Variants in DMD observed in about 807,000 individuals in gnomAD.
DMD encodes the protein mutant dystrophin.
In DMD, 63 loss-of-function variants were observed where a neutral mutation model predicts 330.1. That is an observed-to-expected ratio of 0.19 (90% CI 0.16 to 0.24). The LOEUF (loss-of-function observed/expected upper bound fraction) is 0.24. Among genes scored for constraint, DMD ranks in the 10% least tolerant of loss-of-function variants. The probability of loss-of-function intolerance (pLI) is 1.00; values close to 1 mark genes in which losing one functional copy is unlikely to be tolerated. For missense variants in DMD, 3,344 were observed against 2,684.1 expected (o/e 1.25, Z -5.43); for synonymous variants, 1,223 against 959.8 (o/e 1.27, Z -5.07).
chrX:31,513,902 C>T (rs1032637339), intron 55 of DMD, among the ~76,000 whole-genome samples: 7 of 111,727 alleles, frequency 6.3e-5, no homozygotes, highest in African/African-American at 2.3e-4. Context: ...ACTAAAAATG[C>T]CCAGGTTCAC....
At chrX:33,008,123 G>C (rs2093432847) in intron 2 of DMD, among the ~76,000 whole-genome samples, 1 of 111,574 alleles carries the variant, frequency 9.0e-6, no homozygotes, top group African/African-American at 3.2e-5. Context: ...GTGATCACTT[G>C]TTTATTGATC....
chrX:32,475,643 T>C (rs1206630325), intron 21 of DMD, among the ~76,000 whole-genome samples: 3 of 111,286 alleles, frequency 2.7e-5, no homozygotes, highest in Non-Finnish European at 5.7e-5. Context: ...GCAGCTATTG[T>C]AAAAGGGGTT....
At chrX:32,887,768 A>C (rs1049521706) in intron 2 of DMD, among the ~76,000 whole-genome samples, 1 of 101,921 alleles carries the variant, frequency 9.8e-6, no homozygotes, top group African/African-American at 3.6e-5. Flanking sequence ...AAAAAAAAAA[A>C]AAAAAAAACA....
intron 1 of DMD, among the ~76,000 whole-genome samples, chrX:33,055,607 T>G (rs367680287): frequency 1.2e-4 from 14 of 112,125 alleles, no homozygotes; most frequent in African/African-American, 2.9e-4. Context: ...ATTGGGGAAA[T>G]GAGATATTTT....
chrX:32,308,116 T>C (rs972259768), intron 42 of DMD, among the ~76,000 whole-genome samples: 1 of 110,754 alleles, frequency 9.0e-6, no homozygotes, highest in Non-Finnish European at 1.9e-5. Context: ...TGTGTTTATC[T>C]GCATAGTCTC....
At chrX:31,155,773 A>G in intron 74 of DMD, among the ~76,000 whole-genome samples, 1 of 111,226 alleles carries the variant, frequency 9.0e-6, no homozygotes, top group East Asian at 2.8e-4. Context: ...TGAGCTCAGG[A>G]GTTCAAGACC....
At chrX:31,647,033 TTTACA>T (rs749585848) in intron 54 of DMD, among the ~76,000 whole-genome samples, 1 of 111,382 alleles carries the variant, frequency 9.0e-6, no homozygotes, top group African/African-American at 3.2e-5. Context: ...GCACCTTGCA[TTTACA>T]TTACATCTTT....
intron 7 of DMD, among the ~76,000 whole-genome samples, chrX:32,755,207 C>CTT: frequency 9.2e-6 from 1 of 108,966 alleles, no homozygotes; most frequent in South Asian, 3.9e-4. Context: ...GAAAGCTCAA[C>CTT]TTTTTTTTTG....
intron 1 of DMD, among the ~76,000 whole-genome samples, chrX:33,210,965 C>A (rs1479447963): frequency 9.0e-6 from 1 of 111,357 alleles, no homozygotes; most frequent in Non-Finnish European, 1.9e-5. Flanking sequence ...CAAACTATCT[C>A]ACAGCAATCA....
At chrX:31,571,141 A>G (rs1459971695) in intron 55 of DMD, among the ~76,000 whole-genome samples, 1 of 111,535 alleles carries the variant, frequency 9.0e-6, no homozygotes, top group Non-Finnish European at 1.9e-5. Context: ...GAGAAACTCA[A>G]TAGCATTGTT....
intron 7 of DMD, among the ~76,000 whole-genome samples, chrX:32,769,131 T>A (rs1203792544): frequency 8.9e-6 from 1 of 112,317 alleles, no homozygotes; most frequent in Non-Finnish European, 1.9e-5. Flanking sequence ...AAAATATTAG[T>A]CACTGTAATT....
intron 52 of DMD, among the ~76,000 whole-genome samples, chrX:31,726,090 A>G (rs1006677261): frequency 8.9e-6 from 1 of 112,323 alleles, no homozygotes; most frequent in Admixed American, 9.4e-5. Context: ...AGCAATTCGA[A>G]TATTAGAAAG....
chrX:32,807,131 A>C (rs1239353820), intron 7 of DMD, among the ~76,000 whole-genome samples: 2 of 102,792 alleles, frequency 1.9e-5, no homozygotes, highest in East Asian at 6.1e-4. Flanking sequence ...TTAAAAAAAA[A>C]AAAAAAAAAA....
chrX:31,297,682 G>A (rs994418785), intron 62 of DMD, among the ~76,000 whole-genome samples: 1 of 112,266 alleles, frequency 8.9e-6, no homozygotes, highest in African/African-American at 3.2e-5. Flanking sequence ...TATAAATACA[G>A]ACACCTGCTT....
intron 30 of DMD, among the ~76,000 whole-genome samples, chrX:32,410,690 C>A (rs1037384072): frequency 9.0e-6 from 1 of 111,562 alleles, no homozygotes; most frequent in Non-Finnish European, 1.9e-5. Flanking sequence ...AAAAGCAGAT[C>A]TAGTAATTGC....
chrX:32,314,994 T>C, intron 41 of DMD, among the ~76,000 whole-genome samples: 1 of 111,605 alleles, frequency 9.0e-6, no homozygotes, highest in Non-Finnish European at 1.9e-5. Flanking sequence ...TCCTCAAGGA[T>C]CTAGAACCAG....
intron 52 of DMD, among the ~76,000 whole-genome samples, chrX:31,699,808 T>C (rs771101456): frequency 9.0e-6 from 1 of 111,489 alleles, no homozygotes; most frequent in South Asian, 3.8e-4. Flanking sequence ...TACAACAAAA[T>C]CTAGAGAGTG....
At chrX:32,533,988 G>A (rs1441016379) in intron 17 of DMD, among the ~76,000 whole-genome samples, 1 of 111,898 alleles carries the variant, frequency 8.9e-6, no homozygotes, top group African/African-American at 3.3e-5. Flanking sequence ...CCCACTGCCA[G>A]CATCATGACC....
At chrX:31,223,392 C>A (rs2046288319) in intron 63 of DMD, among the ~76,000 whole-genome samples, 1 of 112,112 alleles carries the variant, frequency 8.9e-6, no homozygotes, top group South Asian at 3.7e-4. Flanking sequence ...TAGTCCTGTT[C>A]CCAAGAGGAA....
Sources: allele counts gnomAD v4.1 joint callset (sites outside exome capture counted in the v4.1 genomes callset), GRCh38; gene constraint gnomAD v4.1.1; transcripts MANE v1.5; gene names NCBI Gene and HGNC (gene_info 2026-07-23, HGNC 2026-07-21).